Variants in ENOX1 observed in about 807,000 individuals in gnomAD.
ENOX1 encodes the protein ecto-NOX disulfide-thiol exchanger 1, also known as candidate growth-related and time keeping constitutive hydroquinone (NADH) oxidase.
In ENOX1, 42 loss-of-function variants were observed where a neutral mutation model predicts 82.5. The ratio of observed to expected loss-of-function variants is 0.51; its 90% CI spans 0.40 to 0.66. ENOX1 has a LOEUF of 0.66. ENOX1 is among the 30% of genes least tolerant of loss of function. ENOX1 has a pLI of 0.00. For synonymous variants in ENOX1, 271 were observed against 282.2 expected (o/e 0.96, Z 0.40); for missense variants, 608 against 811.6 (o/e 0.75, Z 3.05).
At chr13:43,781,738 C>T (rs940860023) in intron 1 of ENOX1, among the ~76,000 whole-genome samples, 8 of 152,026 alleles carry the variant, frequency 5.3e-5, no homozygotes, top group African/African-American at 1.9e-4. Flanking sequence ...CTTGAACTCC[C>T]GACATCAGGT....
intron 14 of ENOX1, among the ~76,000 whole-genome samples, chr13:43,248,164 C>A (rs1329744366): frequency 6.6e-6 from 1 of 151,264 alleles, no homozygotes; most frequent in East Asian, 2.0e-4. Flanking sequence ...GGATTACAGG[C>A]GTGAGCCACC....
At chr13:43,248,962 A>C (rs2043294937) in intron 14 of ENOX1, among the ~76,000 whole-genome samples, 1 of 152,160 alleles carries the variant, frequency 6.6e-6, no homozygotes, top group African/African-American at 2.4e-5. Flanking sequence ...TAAAGAACAG[A>C]GACTTTGATA....
intron 1 of ENOX1, among the ~76,000 whole-genome samples, chr13:43,680,594 C>A (rs1054249981): frequency 6.6e-6 from 1 of 152,106 alleles, no homozygotes; most frequent in African/African-American, 2.4e-5. Flanking sequence ...TGTAAAACTT[C>A]GGCAAGTTAT....
intron 2 of ENOX1, among the ~76,000 whole-genome samples, chr13:43,590,021 G>A (rs1313489799): frequency 6.6e-6 from 1 of 152,026 alleles, no homozygotes; most frequent in Non-Finnish European, 1.5e-5. Flanking sequence ...CCAACAGCAA[G>A]CTACAAATTT....
At chr13:43,541,743 T>G (rs951732232) in intron 2 of ENOX1, among the ~76,000 whole-genome samples, 1 of 152,166 alleles carries the variant, frequency 6.6e-6, no homozygotes, top group Non-Finnish European at 1.5e-5. Flanking sequence ...TACCGCTGCT[T>G]TCAAAAGAAG....
intron 1 of ENOX1, among the ~76,000 whole-genome samples, chr13:43,717,911 G>A (rs1249761464): frequency 6.6e-6 from 1 of 152,114 alleles, no homozygotes; most frequent in East Asian, 1.9e-4. Flanking sequence ...GCAGAGAAAA[G>A]GAATCACATA....
At chr13:43,604,638 T>C (rs1349868936) in intron 2 of ENOX1, among the ~76,000 whole-genome samples, 1 of 152,230 alleles carries the variant, frequency 6.6e-6, no homozygotes, top group Non-Finnish European at 1.5e-5. Flanking sequence ...CATTTGCCTA[T>C]GTTGAACTAT....
intron 3 of ENOX1, among the ~76,000 whole-genome samples, chr13:43,450,563 A>G (rs927391844): frequency 6.6e-6 from 1 of 152,134 alleles, no homozygotes; most frequent in Non-Finnish European, 1.5e-5. Flanking sequence ...TATGGTTTCC[A>G]TGGAAAGAAC....
chr13:43,248,998 T>C (rs182488767), intron 14 of ENOX1, among the ~76,000 whole-genome samples: 1 of 152,330 alleles, frequency 6.6e-6, no homozygotes, highest in Non-Finnish European at 1.5e-5. Flanking sequence ...AATTTCTTAA[T>C]GTTTCCCATT....
At chr13:43,520,792 G>A (rs933609229) in intron 2 of ENOX1, among the ~76,000 whole-genome samples, 1 of 152,174 alleles carries the variant, frequency 6.6e-6, no homozygotes, top group African/African-American at 2.4e-5. Context: ...ATGCTTTGCA[G>A]CAACCCCAGC....
At chr13:43,366,262 G>C (rs1043626636) in intron 5 of ENOX1, among the ~76,000 whole-genome samples, 5 of 150,458 alleles carry the variant, frequency 3.3e-5, no homozygotes. Flanking sequence ...GGCACAGCTG[G>C]ATGACCTAAG....
At chr13:43,340,868 G>T (rs1344396881) in intron 9 of ENOX1, among the ~76,000 whole-genome samples, 1 of 152,114 alleles carries the variant, frequency 6.6e-6, no homozygotes, top group Non-Finnish European at 1.5e-5. Context: ...ATATTTCTAT[G>T]TTATAAGGCT....
At chr13:43,232,584 T>G (rs973573442) in intron 15 of ENOX1, among the ~76,000 whole-genome samples, 2 of 152,146 alleles carry the variant, frequency 1.3e-5, no homozygotes, top group Non-Finnish European at 2.9e-5. Flanking sequence ...CTGCTTCTGG[T>G]ATAGTCTGGT....
chr13:43,290,701 A>G (rs879724359), intron 12 of ENOX1, among the ~76,000 whole-genome samples: 7 of 152,188 alleles, frequency 4.6e-5, no homozygotes, highest in African/African-American at 1.7e-4. Context: ...ATTCCCATGT[A>G]ACAAATCTGC....
intron 2 of ENOX1, among the ~76,000 whole-genome samples, chr13:43,487,297 A>G (rs1348438778): frequency 6.6e-6 from 1 of 152,220 alleles, no homozygotes; most frequent in African/African-American, 2.4e-5. Context: ...TTGGGGATGA[A>G]TGGAATCAAG....
intron 1 of ENOX1, among the ~76,000 whole-genome samples, chr13:43,734,976 C>T (rs914069244): frequency 1.3e-5 from 2 of 152,162 alleles, no homozygotes; most frequent in African/African-American, 4.8e-5. Context: ...CTGGCTTAGG[C>T]AGGCTTTCTA....
intron 2 of ENOX1, among the ~76,000 whole-genome samples, chr13:43,497,657 T>C (rs911901613): frequency 6.6e-6 from 1 of 152,166 alleles, no homozygotes; most frequent in African/African-American, 2.4e-5. Flanking sequence ...ATGTTAAACA[T>C]TTTTGTGTCT....
At chr13:43,631,514 G>A (rs1156878547) in intron 2 of ENOX1, among the ~76,000 whole-genome samples, 1 of 152,154 alleles carries the variant, frequency 6.6e-6, no homozygotes, top group African/African-American at 2.4e-5. Context: ...AACTGAGTCA[G>A]ATTTGTATGT....
intron 3 of ENOX1, among the ~76,000 whole-genome samples, chr13:43,447,251 C>T (rs1293218048): frequency 6.6e-6 from 1 of 152,194 alleles, no homozygotes; most frequent in Admixed American, 6.5e-5. Flanking sequence ...CAGTGCCTGA[C>T]ATATAGTAGG....
Sources: allele counts gnomAD v4.1 joint callset (sites outside exome capture counted in the v4.1 genomes callset), GRCh38; gene constraint gnomAD v4.1.1; transcripts MANE v1.5; gene names NCBI Gene and HGNC (gene_info 2026-07-23, HGNC 2026-07-21).